Variants in FAM171A1 observed in about 807,000 individuals in gnomAD.
FAM171A1 encodes the protein family with sequence similarity 171 member A1.
A neutral mutation model predicts 74.9 loss-of-function variants in FAM171A1; 23 were observed. That is an observed-to-expected ratio of 0.31 (90% CI 0.22 to 0.44). The LOEUF (loss-of-function observed/expected upper bound fraction) is 0.44, where lower values mean the gene tolerates loss of function less well. Ranked by LOEUF, FAM171A1 falls within the 20% of genes least tolerant of loss-of-function variation. FAM171A1 has a pLI of 1.00. For synonymous variants in FAM171A1, 527 were observed against 505.7 expected, an observed-to-expected ratio of 1.04 and a Z score of -0.57; for missense variants, 1,162 against 1,159.2, an observed-to-expected ratio of 1.00 and a Z score of -0.03.
upstream of FAM171A1, among the ~76,000 whole-genome samples, chr10:15,371,754 A>G (rs899000092): frequency 6.6e-6 from 1 of 152,194 alleles, no homozygotes; most frequent in South Asian, 2.1e-4. Flanking sequence ...GGAAATCCAC[A>G]TCTTTTGAGG....
chr10:15,235,051 T>C (rs1049780082), intron 5 of FAM171A1, among the ~76,000 whole-genome samples: 8 of 152,144 alleles, frequency 5.3e-5, no homozygotes, highest in African/African-American at 1.7e-4. Context: ...GTCTCACGCC[T>C]GTAATCTCTG....
intron 1 of FAM171A1, among the ~76,000 whole-genome samples, chr10:15,363,712 C>T (rs1201430032): frequency 6.6e-6 from 1 of 152,136 alleles, no homozygotes; most frequent in East Asian, 1.9e-4. Flanking sequence ...TCAGTGACCC[C>T]TTCAGCTTCT....
At chr10:15,320,764 A>G (rs927908038) in intron 1 of FAM171A1, among the ~76,000 whole-genome samples, 5 of 152,242 alleles carry the variant, frequency 3.3e-5, no homozygotes, top group Admixed American at 3.3e-4. Context: ...TCTTTTGAGA[A>G]GTGAGATTGG....
At chr10:15,226,858 G>C (rs1834114716) in intron 5 of FAM171A1, among the ~76,000 whole-genome samples, 1 of 151,402 alleles carries the variant, frequency 6.6e-6, no homozygotes, top group Non-Finnish European at 1.5e-5. Flanking sequence ...TATCAACTCT[G>C]CTCCCCCACC....
At chr10:15,314,689 C>A (rs1037803477) in intron 1 of FAM171A1, among the ~76,000 whole-genome samples, 2 of 152,244 alleles carry the variant, frequency 1.3e-5, no homozygotes, top group African/African-American at 4.8e-5. Context: ...CCCCAGCACT[C>A]TTCTGCTTTG....
At chr10:15,366,368 C>T (rs545521053) in intron 1 of FAM171A1, among the ~76,000 whole-genome samples, 51 of 152,330 alleles carry the variant, frequency 3.3e-4, no homozygotes, top group African/African-American at 1.2e-3. Context: ...GATCCACCCA[C>T]CTCAGCTTCC....
chr10:15,307,577 C>T (rs1196004061), intron 1 of FAM171A1, among the ~76,000 whole-genome samples: 1 of 137,372 alleles, frequency 7.3e-6, no homozygotes, highest in Non-Finnish European at 1.5e-5. Flanking sequence ...ATTCGGGAGG[C>T]AGAGGTTGCA....
intron 1 of FAM171A1, among the ~76,000 whole-genome samples, chr10:15,316,110 C>T (rs548890989): frequency 1.3e-5 from 2 of 152,296 alleles, no homozygotes; most frequent in South Asian, 2.1e-4. Flanking sequence ...GGATAACTTA[C>T]CCTTTCATCT....
chr10:15,308,276 G>A (rs750829955), intron 1 of FAM171A1, among the ~76,000 whole-genome samples: 1 of 152,146 alleles, frequency 6.6e-6, no homozygotes, highest in African/African-American at 2.4e-5. Context: ...CTTAGGAAGG[G>A]CATATACTCT....
In FAM171A1 at chr10:15,331,455, C is replaced by T. The variant is rs536840761; in HGVS notation, c.97+39501G>A. Among the ~76,000 whole-genome samples, 5 of 152,258 alleles carry T rather than the reference C, an allele frequency of 3.3e-5. No individual in the cohort carries two copies. The South Asian group carries it at 1.0e-3, about 32-fold the overall frequency. On this transcript the variant is annotated intron_variant, in intron 1 of 7. Transcript: ENST00000378116. ...TCTGGAAGTATCTCCCACCTATGAACACAGATGGGCACAGCAGGCTTGTGC... is the reference window on the plus strand; with the variant it reads ...TCTGGAAGTATCTCCCACCTATGAATACAGATGGGCACAGCAGGCTTGTGC...
rs755898894 is a variant in FAM171A1 at position 15,254,860 on chromosome 10, G to C, written c.438C>G (p.Arg146=). 1 of 1,613,824 alleles carries C rather than the reference G, an allele frequency of 6.2e-7. No individual in the cohort carries two copies. The highest frequency in any genetic ancestry group is 8.5e-7 in the Non-Finnish European group (1 of 1,179,730). Residue 146 remains arginine (R), a synonymous_variant, in exon 4 of 8, where the codon CGC becomes CGG. Transcript: ENST00000378116. Reference sequence around the variant, plus strand: ...TCAGAGCCCTTCTCTGGAAATGAACGCGAGGCTGTGGCCGGGCACCTGCAG... The same window carrying C: ...TCAGAGCCCTTCTCTGGAAATGAACCCGAGGCTGTGGCCGGGCACCTGCAG... The part of the protein sequence containing the change: ...SGFQGARPQP[R]VHFQRRALRL...
At chr10:15,256,025 T>C (rs980553860) in intron 3 of FAM171A1, among the ~76,000 whole-genome samples, 3 of 152,198 alleles carry the variant, frequency 2.0e-5, no homozygotes, top group African/African-American at 7.2e-5. Flanking sequence ...GTAAAGGTGC[T>C]AGGTAATTTT....
chr10:15,294,326 C>T (rs1835136195), intron 1 of FAM171A1, among the ~76,000 whole-genome samples: 2 of 152,182 alleles, frequency 1.3e-5, no homozygotes, highest in African/African-American at 2.4e-5. Context: ...GTGCACCTTC[C>T]TTCTCAGTAC....
chr10:15,303,642 C>G (rs57526520), intron 1 of FAM171A1, among the ~76,000 whole-genome samples: 3,579 of 152,316 alleles, frequency 0.023, 143 homozygotes, highest in African/African-American at 0.081. Context: ...AGTAGCAGAA[C>G]AGAGGCTCCG....
At chr10:15,241,791 G>A (rs1340028840) in intron 5 of FAM171A1, 1 of 152,036 alleles carries the variant, frequency 6.6e-6, no homozygotes, top group African/African-American at 2.4e-5. Context: ...TAAGTATACA[G>A]TACAGTCCTA....
chr10:15,226,059 A>C (rs939518174), intron 5 of FAM171A1, among the ~76,000 whole-genome samples: 2 of 152,050 alleles, frequency 1.3e-5, no homozygotes, highest in Admixed American at 1.3e-4. Flanking sequence ...TGTCCTCTGC[A>C]CAAGCAAGCA....
intron 1 of FAM171A1, among the ~76,000 whole-genome samples, chr10:15,293,627 G>A (rs962729503): frequency 3.9e-5 from 6 of 152,100 alleles, no homozygotes; most frequent in Non-Finnish European, 8.8e-5. Flanking sequence ...AATCAAAGAT[G>A]CAAACAAGAT....
At chr10:15,292,067 G>C (rs1288656010) in intron 1 of FAM171A1, among the ~76,000 whole-genome samples, 3 of 152,106 alleles carry the variant, frequency 2.0e-5, no homozygotes, top group Admixed American at 2.0e-4. Flanking sequence ...CAAGGTTAGG[G>C]CAGATTAGGT....
intron 1 of FAM171A1, among the ~76,000 whole-genome samples, chr10:15,342,585 CA>C (rs1365551476): frequency 6.6e-6 from 1 of 151,738 alleles, no homozygotes; most frequent in Non-Finnish European, 1.5e-5. Flanking sequence ...GGCTCTGTCT[CA>C]AAAAAACACA....
Sources: gnomAD v4.1 joint callset for allele counts (sites outside exome capture counted in the v4.1 genomes callset) on GRCh38, gnomAD v4.1.1 for gene constraint, MANE v1.5 for transcripts, NCBI Gene and HGNC (gene_info 2026-07-23, HGNC 2026-07-21) for gene names.